SKI: variants seen among roughly 807,000 people sequenced by gnomAD.
SKI encodes the protein ski oncogene.
Under a neutral mutation model 59.3 loss-of-function variants are expected in SKI, and 23 were observed. That is an observed-to-expected ratio of 0.39 (90% confidence interval 0.28 to 0.55). The LOEUF is 0.55. SKI is among the 20% of genes least tolerant of loss of function. The pLI, the probability that SKI is intolerant of heterozygous loss-of-function variation, is 0.67. For missense variants in SKI, 1,017 were observed against 1,038.9 expected (o/e 0.98, Z 0.29); for synonymous variants, 673 against 488.6 (o/e 1.38, Z -4.98).
intron 1 of SKI, among the ~76,000 whole-genome samples, chr1:2,271,570 C>T (rs1297339464): frequency 1.3e-5 from 2 of 152,176 alleles, no homozygotes; most frequent in African/African-American, 4.8e-5. Context: ...GGCTGCCCTG[C>T]CCCGGGCTGA....
intron 1 of SKI, among the ~76,000 whole-genome samples, chr1:2,234,491 T>G (rs1638709937): frequency 6.6e-6 from 1 of 152,104 alleles, no homozygotes; most frequent in Non-Finnish European, 1.5e-5. Context: ...GCAGACAGGA[T>G]ATGGTGCGAG....
chr1:2,249,508 A>G (rs768277691), intron 1 of SKI, among the ~76,000 whole-genome samples: 41 of 152,202 alleles, frequency 2.7e-4, no homozygotes, highest in Non-Finnish European at 5.0e-4. Context: ...CTCCTCACCC[A>G]TGGTGTGGTC....
At chr1:2,254,998 C>T (rs1326154220) in intron 1 of SKI, among the ~76,000 whole-genome samples, 1 of 152,142 alleles carries the variant, frequency 6.6e-6, no homozygotes, top group Non-Finnish European at 1.5e-5. Flanking sequence ...TCCTGTGGTG[C>T]GTGCTGTGGA....
intron 1 of SKI, among the ~76,000 whole-genome samples, chr1:2,297,728 C>T (rs975511906): frequency 3.3e-5 from 5 of 152,268 alleles, no homozygotes; most frequent in South Asian, 4.1e-4. Context: ...GGCCCTTGGC[C>T]GCACATTTCC....
At chr1:2,261,752 G>A (rs1349420476) in intron 1 of SKI, among the ~76,000 whole-genome samples, 2 of 152,254 alleles carry the variant, frequency 1.3e-5, no homozygotes, top group Non-Finnish European at 1.5e-5. Context: ...TAATGGCACC[G>A]GCTAGGGCCT....
intron 1 of SKI, chr1:2,232,633 G>T (rs1040583764): frequency 2.6e-5 from 4 of 152,336 alleles, no homozygotes; most frequent in Non-Finnish European, 5.9e-5. Flanking sequence ...TCCTGCTGCT[G>T]TATCTTGGAA....
chr1:2,293,211 A>C (rs1443011180), intron 1 of SKI, among the ~76,000 whole-genome samples: 1 of 152,180 alleles, frequency 6.6e-6, no homozygotes, highest in African/African-American at 2.4e-5. Context: ...TGGCCACCAC[A>C]GGGCTTTTGT....
At position 2,304,371 on chromosome 1, in the gene SKI, C is replaced by T. The variant is rs776056360; in HGVS notation, c.1553C>T (p.Ala518Val). 22 of 1,551,796 alleles carry T rather than the reference C, an allele frequency of 1.4e-5. No individual in the cohort carries two copies. The highest frequency in any genetic ancestry group is 3.3e-4 in the Middle Eastern group (2 of 5,992). The change falls in exon 5 of 7, where the codon GCG (alanine) becomes GTG (valine). Residue 518 changes from alanine (A) to valine (V), a missense_variant. Coordinates refer to ENST00000378536, the MANE Select transcript of SKI (RefSeq NM_003036.4). ...SSAKDLGSPG[A>V]RALPSAVPDA... Reference sequence around the variant, plus strand: ...GCCAAGGACCTGGGCTCCCCGGGTGCGCGTGCCCTGCCCTCGGCCGTCCCT... The same window carrying T: ...GCCAAGGACCTGGGCTCCCCGGGTGTGCGTGCCCTGCCCTCGGCCGTCCCT...
intron 1 of SKI, among the ~76,000 whole-genome samples, chr1:2,256,588 T>C (rs964520527): frequency 3.9e-5 from 6 of 152,240 alleles, no homozygotes; most frequent in Non-Finnish European, 8.8e-5. Flanking sequence ...CACAGCACAC[T>C]GTGCAGTTGG....
chr1:2,306,792 C>G lies in SKI; in HGVS notation c.*27C>G. ...TTCCGTGCCTGCCGCCGCAGCGCCGCCGACAACGCGGGTGCAGGGGGGCGC... is the reference window on the plus strand; with the variant it reads ...TTCCGTGCCTGCCGCCGCAGCGCCGGCGACAACGCGGGTGCAGGGGGGCGC... On this transcript the variant is annotated 3_prime_UTR_variant, in exon 7 of 7. Transcript: ENST00000378536. 2 of 1,469,296 alleles carry G rather than the reference C, an allele frequency of 1.4e-6. No homozygotes were observed. Among genetic ancestry groups the G allele is most frequent in the Non-Finnish European group, 1.8e-6 (2 of 1,113,160 alleles). The allele number at this position is 1,469,296 out of a possible 1,614,324, so 91.0% of individuals were successfully genotyped here.
intron 1 of SKI, among the ~76,000 whole-genome samples, chr1:2,247,680 G>C (rs1400040845): frequency 6.6e-6 from 1 of 152,194 alleles, no homozygotes; most frequent in Non-Finnish European, 1.5e-5. Context: ...GGGACAATCT[G>C]CTGGCTTGGC....
chr1:2,297,957 G>A (rs1640325719), intron 1 of SKI, among the ~76,000 whole-genome samples: 1 of 152,242 alleles, frequency 6.6e-6, no homozygotes, highest in East Asian at 1.9e-4. Context: ...TGTGCTGTGT[G>A]GCAGGCCTTG....
intron 1 of SKI, among the ~76,000 whole-genome samples, chr1:2,241,863 T>C (rs1317852956): frequency 6.6e-6 from 1 of 152,220 alleles, no homozygotes; most frequent in Non-Finnish European, 1.5e-5. Context: ...TTCAGGTCCT[T>C]CCTGTCTCAG....
intron 1 of SKI, among the ~76,000 whole-genome samples, chr1:2,239,586 G>A (rs546325570): frequency 3.9e-5 from 6 of 152,376 alleles, no homozygotes; most frequent in Middle Eastern, 3.4e-3. Flanking sequence ...TGGATGGCCC[G>A]CGTGCCGGGG....
At position 2,285,011 on chromosome 1, in the gene SKI, A is replaced by G. The variant is rs1395018332; in HGVS notation, c.970-17967A>G. Among the ~76,000 whole-genome samples the G allele has an allele frequency of 3.3e-5, 5 of 152,308 alleles. No homozygotes were observed. The East Asian group carries it at 9.7e-4, about 29-fold the overall frequency. ...ACAGAAAAGCCTTTTTGTTCTTGCT[A>G]AAGTTTTATGATTTCGTGTTTGGGC... On this transcript the variant is annotated intron_variant, in intron 1 of 6. Transcript: ENST00000378536.
chr1:2,298,655 G>C (rs1447045005), intron 1 of SKI, among the ~76,000 whole-genome samples: 4 of 152,274 alleles, frequency 2.6e-5, no homozygotes, highest in Non-Finnish European at 1.5e-5. Context: ...AGGCAGGCCT[G>C]TCTGGCCTTG....
At chr1:2,261,816 CTGATCTGG>C (rs2100839306) in intron 1 of SKI, among the ~76,000 whole-genome samples, 1 of 151,402 alleles carries the variant, frequency 6.6e-6, no homozygotes, top group South Asian at 2.1e-4. Flanking sequence ...TCCTGATCTC[CTGATCTGG>C]AAGGCGTGGA....
chr1:2,253,112 T>C (rs1172906166), intron 1 of SKI, among the ~76,000 whole-genome samples: 1 of 136,766 alleles, frequency 7.3e-6, no homozygotes, highest in Non-Finnish European at 1.6e-5. Flanking sequence ...AAAAAAAAAA[T>C]AGAGTTGCTA....
At chr1:2,285,185 T>C (rs906916515) in intron 1 of SKI, among the ~76,000 whole-genome samples, 2 of 152,090 alleles carry the variant, frequency 1.3e-5, no homozygotes, top group Non-Finnish European at 2.9e-5. Context: ...GCTGCCTTTT[T>C]GACATGCATT....
Sources: gnomAD v4.1 joint callset for allele counts (sites outside exome capture counted in the v4.1 genomes callset) on GRCh38, gnomAD v4.1.1 for gene constraint, MANE v1.5 for transcripts, NCBI Gene and HGNC (gene_info 2026-07-23, HGNC 2026-07-21) for gene names.